IL20RB: variants seen among roughly 807,000 people sequenced by gnomAD.
IL20RB encodes interleukin 20 receptor subunit beta.
In IL20RB, 21 loss-of-function variants were observed where a neutral mutation model predicts 33.3. That is an observed-to-expected ratio of 0.63 (90% CI 0.45 to 0.91). The LOEUF (loss-of-function observed/expected upper bound fraction) is 0.91, where lower values mean the gene tolerates loss of function less well. Ranked by LOEUF, IL20RB falls within the 40% of genes least tolerant of loss-of-function variation. The pLI is 0.00. For synonymous variants in IL20RB, 147 were observed against 146.8 expected, an observed-to-expected ratio of 1.00 and a Z score of -0.01; for missense variants, 345 against 384.8, an observed-to-expected ratio of 0.90 and a Z score of 0.86.
chr3:136,980,703 C>T (rs769057666), intron 2 of IL20RB, 111 bp downstream of exon 2: 48 of 1,045,352 alleles, frequency 4.6e-5, no homozygotes, highest in South Asian at 2.3e-4. Context: ...GATAGATTAT[C>T]CCCAAAGATC....
chr3:136,979,691 G>C (rs1941720644), intron 1 of IL20RB, among the ~76,000 whole-genome samples: 1 of 152,174 alleles, frequency 6.6e-6, no homozygotes, highest in South Asian at 2.1e-4. Context: ...TCCCAGACTG[G>C]CTCAGGGGCC....
intron 6 of IL20RB, among the ~76,000 whole-genome samples, chr3:136,999,369 T>A (rs1942196268): frequency 6.6e-6 from 1 of 152,174 alleles, no homozygotes; most frequent in Admixed American, 6.5e-5. Flanking sequence ...GTGCTGGGAT[T>A]ATAGGCATGA....
rs567632826 is a variant in IL20RB at position 136,991,347 on chromosome 3, T to A, written c.532-591T>A. 1.2e-3 allele frequency among the ~76,000 whole-genome samples: 189 copies of A among 152,332 alleles called. 1 individual carries two copies. Among genetic ancestry groups the A allele is most frequent in the African/African-American group, 3.6e-3 (149 of 41,570 alleles). On this transcript the variant is annotated intron_variant, in intron 4 of 6. Coordinates refer to ENST00000329582, the MANE Select transcript of IL20RB (RefSeq NM_144717.4). ...TGTCACCACCTGATGTGTATTTTTT[T>A]ATAGTCTGTTTCACCCCATGTAAGC...
At chr3:136,979,310 C>T (rs1210518363) in intron 1 of IL20RB, among the ~76,000 whole-genome samples, 1 of 152,164 alleles carries the variant, frequency 6.6e-6, no homozygotes, top group Non-Finnish European at 1.5e-5. Context: ...TGGGGTGTCC[C>T]CAGCAGCCTT....
chr3:137,008,848 C>G (rs543405506), intron 6 of IL20RB, among the ~76,000 whole-genome samples: 32 of 152,136 alleles, frequency 2.1e-4, no homozygotes, highest in African/African-American at 7.7e-4. Context: ...CCACCTGTTT[C>G]TTTTTACTTT....
rs528783307 is a variant in IL20RB, at chr3:137,009,022, G to T, written c.826-1091G>T. Among the ~76,000 whole-genome samples the T allele has an allele frequency of 5.6e-4, 86 of 152,312 alleles. 2 individuals are homozygous for T. The highest frequency in any genetic ancestry group is 2.0e-3 in the African/African-American group (83 of 41,568). Reference sequence around the variant, plus strand: ...TGCACCAGCAGCAGCGAGCCAATGGGCTTCACACTAACACCCCCGCTTAGT... The same window carrying T: ...TGCACCAGCAGCAGCGAGCCAATGGTCTTCACACTAACACCCCCGCTTAGT... On this transcript the variant is annotated intron_variant, in intron 6 of 6. Coordinates refer to ENST00000329582, the MANE Select transcript of IL20RB (RefSeq NM_144717.4).
At chr3:137,002,196 C>T (rs1354747776) in intron 6 of IL20RB, among the ~76,000 whole-genome samples, 1 of 152,056 alleles carries the variant, frequency 6.6e-6, no homozygotes, top group South Asian at 2.1e-4. Context: ...TGGGTTGGTT[C>T]CAAGTCTTTG....
At chr3:137,007,070 G>T (rs1413590312) in intron 6 of IL20RB, among the ~76,000 whole-genome samples, 1 of 152,194 alleles carries the variant, frequency 6.6e-6, no homozygotes, top group Admixed American at 6.5e-5. Flanking sequence ...GTCCACTCCA[G>T]ACCGTTTGCC....
chr3:136,971,036 T>C (rs1171289304), intron 1 of IL20RB, among the ~76,000 whole-genome samples: 1 of 152,260 alleles, frequency 6.6e-6, no homozygotes, highest in Non-Finnish European at 1.5e-5. Context: ...TTCAGGGTAC[T>C]TAGGAGAGTC....
At chr3:137,006,356 G>C (rs573625691) in intron 6 of IL20RB, among the ~76,000 whole-genome samples, 11 of 152,202 alleles carry the variant, frequency 7.2e-5, no homozygotes, top group Non-Finnish European at 1.3e-4. Context: ...ATCCTGCAGA[G>C]TGTTTTCCAA....
intron 1 of IL20RB, among the ~76,000 whole-genome samples, chr3:136,962,578 C>A (rs1251134053): frequency 6.6e-6 from 1 of 151,902 alleles, no homozygotes; most frequent in Non-Finnish European, 1.5e-5. Context: ...ATGGTGAAAC[C>A]CCGTCTTTAC....
chr3:137,009,301 G>A (rs979651052), intron 6 of IL20RB, among the ~76,000 whole-genome samples: 3 of 152,174 alleles, frequency 2.0e-5, no homozygotes, highest in Non-Finnish European at 4.4e-5. Flanking sequence ...GTGAGCAGGC[G>A]AGTAATAGGT....
intron 1 of IL20RB, among the ~76,000 whole-genome samples, chr3:136,978,167 T>C (rs1282727383): frequency 7.3e-6 from 1 of 137,842 alleles, no homozygotes; most frequent in Non-Finnish European, 1.6e-5. Context: ...TTCTGTCTTG[T>C]TTTTTTTTTT....
At chr3:137,004,442 A>G (rs1367398941) in intron 6 of IL20RB, among the ~76,000 whole-genome samples, 1 of 152,012 alleles carries the variant, frequency 6.6e-6, no homozygotes, top group Non-Finnish European at 1.5e-5. Flanking sequence ...TCAATTTTAG[A>G]GCCTGTTATT....
At chr3:136,999,956 T>G (rs1046413582) in intron 6 of IL20RB, among the ~76,000 whole-genome samples, 8 of 152,250 alleles carry the variant, frequency 5.3e-5, no homozygotes, top group Admixed American at 4.6e-4. Flanking sequence ...CTTTAAAATC[T>G]TTGCTAATTT....
intron 2 of IL20RB, among the ~76,000 whole-genome samples, chr3:136,981,574 G>A (rs1577020554): frequency 6.6e-6 from 1 of 152,200 alleles, no homozygotes; most frequent in East Asian, 1.9e-4. Flanking sequence ...ATATCTGAAG[G>A]ACAAGAGGAG....
At chr3:136,963,460 A>C (rs988309797) in intron 1 of IL20RB, among the ~76,000 whole-genome samples, 1 of 152,122 alleles carries the variant, frequency 6.6e-6, no homozygotes, top group Non-Finnish European at 1.5e-5. Context: ...TAGTTTTGTA[A>C]CTTTGAAAAC....
At chr3:136,996,160 G>A (rs187060826) in intron 6 of IL20RB, among the ~76,000 whole-genome samples, 1 of 151,954 alleles carries the variant, frequency 6.6e-6, no homozygotes, top group Non-Finnish European at 1.5e-5. Context: ...TACTCCTGAG[G>A]GCCCTGGACC....
At chr3:136,962,158 C>T (rs551361767) in intron 1 of IL20RB, among the ~76,000 whole-genome samples, 16 of 152,272 alleles carry the variant, frequency 1.1e-4, no homozygotes, top group African/African-American at 3.9e-4. Context: ...AAATATCCAT[C>T]AGTAGATGTT....
Sources: gnomAD v4.1 joint callset for allele counts (sites outside exome capture counted in the v4.1 genomes callset) on GRCh38, gnomAD v4.1.1 for gene constraint, MANE v1.5 for transcripts, NCBI Gene and HGNC (gene_info 2026-07-23, HGNC 2026-07-21) for gene names.